EPS8: variants seen among roughly 807,000 people sequenced by gnomAD.
The protein encoded by EPS8 is EGFR pathway substrate 8, signaling adaptor, also known as epidermal growth factor receptor kinase substrate 8.
Under a neutral mutation model 103.8 loss-of-function variants are expected in EPS8, and 42 were observed. That is an observed-to-expected ratio of 0.40 (90% CI 0.32 to 0.52). The LOEUF is 0.52. Ranked by LOEUF, EPS8 falls within the 20% of genes least tolerant of loss-of-function variation. The pLI is 0.40. For synonymous variants in EPS8, 344 were observed against 344.6 expected, an observed-to-expected ratio of 1.00 and a Z score of 0.02; for missense variants, 969 against 1,005.1, an observed-to-expected ratio of 0.96 and a Z score of 0.49.
intron 12 of EPS8, chr12:15,654,499 T>C: frequency 1.7e-6 from 1 of 571,724 alleles, no homozygotes; most frequent in Non-Finnish European, 3.1e-6. Flanking sequence ...TAAATGAAAG[T>C]TAACAATTTA....
chr12:15,770,752 C>T (rs1020269358), intron 1 of EPS8, among the ~76,000 whole-genome samples: 1 of 152,134 alleles, frequency 6.6e-6, no homozygotes, highest in Non-Finnish European at 1.5e-5. Context: ...TGATTGTCAC[C>T]ATGATTAAGC....
chr12:15,763,484 A>G (rs1435658901), intron 1 of EPS8, among the ~76,000 whole-genome samples: 3 of 152,208 alleles, frequency 2.0e-5, no homozygotes, highest in Non-Finnish European at 4.4e-5. Flanking sequence ...CAACAAAATA[A>G]GAGGCAGAGG....
chr12:15,648,652 G>A (rs1220378213), intron 14 of EPS8, among the ~76,000 whole-genome samples: 1 of 152,142 alleles, frequency 6.6e-6, no homozygotes, highest in African/African-American at 2.4e-5. Context: ...AGAGGGGAGT[G>A]CTCTAACTGT....
intron 12 of EPS8, chr12:15,657,858 GAGAT>G: frequency 4.1e-6 from 2 of 486,042 alleles, no homozygotes; most frequent in South Asian, 4.5e-5. Context: ...AGCACTGTCA[GAGAT>G]ACCAGTTTCC....
rs960802787 is a variant in EPS8, at chr12:15,767,739, C to A, written c.-22+21422G>T. Among the ~76,000 whole-genome samples, 1 of 152,212 alleles carries A rather than the reference C, an allele frequency of 6.6e-6. No homozygotes were observed. The highest frequency in any genetic ancestry group is 1.5e-5 in the Non-Finnish European group (1 of 68,040). ...ATAAGGAAATTGAAATGGTTGGTGGCAACAGCTCTCCTTCCAGGAATACCT... is the reference window on the plus strand; with the variant it reads ...ATAAGGAAATTGAAATGGTTGGTGGAAACAGCTCTCCTTCCAGGAATACCT... On this transcript the variant is annotated intron_variant, in intron 1 of 20. Coordinates refer to ENST00000281172, the MANE Select transcript of EPS8 (RefSeq NM_004447.6). The surrounding 1 kb of genome is among the most constrained non-coding windows in gnomAD (Gnocchi z 5.5).
intron 20 of EPS8, among the ~76,000 whole-genome samples, chr12:15,622,680 G>C (rs1040390728): frequency 1.3e-5 from 2 of 151,778 alleles, no homozygotes; most frequent in African/African-American, 4.8e-5. Context: ...TATTTTCAGT[G>C]ATCTCTACCT....
In EPS8 at chr12:15,762,853, AG is replaced by A. The variant is rs1474528611; in HGVS notation, c.-22+26307del. 1.3e-5 allele frequency among the ~76,000 whole-genome samples: 2 copies of A among 152,180 alleles called. No homozygotes were observed. The highest frequency in any genetic ancestry group is 4.8e-5 in the African/African-American group (2 of 41,450). ...AAGACCTAGTATTTGATAGCACAACAGGGTGACTATAGTCAATAATAATTTA... is the reference window on the plus strand; with the variant it reads ...AAGACCTAGTATTTGATAGCACAACAGGTGACTATAGTCAATAATAATTTA... On this transcript the variant is annotated intron_variant, in intron 1 of 20. Transcript: ENST00000281172. This position sits in a 1 kb window ranked among gnomAD's most constrained non-coding sequence, Gnocchi z 4.8.
At chr12:15,621,483 G>A (rs1313392619) in intron 20 of EPS8, 53 bp from the exon 21 acceptor site, 1 of 980,520 alleles carries the variant, frequency 1.0e-6, no homozygotes, top group Non-Finnish European at 1.5e-6. Context: ...CAGGCTGCAG[G>A]TCATATCATG....
intron 1 of EPS8, among the ~76,000 whole-genome samples, chr12:15,729,611 T>G (rs905728780): frequency 2.6e-5 from 4 of 152,216 alleles, no homozygotes; most frequent in Non-Finnish European, 4.4e-5. Context: ...CCCACAAATT[T>G]TGATATATTC....
chr12:15,707,317 A>G (rs920254597), intron 1 of EPS8, among the ~76,000 whole-genome samples: 1 of 152,214 alleles, frequency 6.6e-6, no homozygotes, highest in Non-Finnish European at 1.5e-5. Flanking sequence ...CCTACCAAAA[A>G]TGTAAAAAGC....
At chr12:15,754,798 T>C (rs942231170) in intron 1 of EPS8, among the ~76,000 whole-genome samples, 11 of 152,212 alleles carry the variant, frequency 7.2e-5, no homozygotes, top group African/African-American at 2.7e-4. Context: ...GCTCTCTTTT[T>C]CCCCCAAGTG....
intron 18 of EPS8, among the ~76,000 whole-genome samples, chr12:15,630,093 C>T (rs1945017480): frequency 6.6e-6 from 1 of 152,010 alleles, no homozygotes; most frequent in Admixed American, 6.6e-5. Context: ...GAATGAACTA[C>T]AGTAAAAGTA....
intron 1 of EPS8, among the ~76,000 whole-genome samples, chr12:15,765,329 G>C (rs1947082221): frequency 6.6e-6 from 1 of 152,098 alleles, no homozygotes; most frequent in African/African-American, 2.4e-5. Context: ...ATACTACCAA[G>C]GGTCATGGGT....
intron 1 of EPS8, among the ~76,000 whole-genome samples, chr12:15,741,755 C>T (rs998463125): frequency 8.6e-5 from 13 of 151,984 alleles, no homozygotes; most frequent in African/African-American, 3.1e-4. Context: ...GGTACATGTG[C>T]ACAACGTGCA....
chr12:15,747,507 TGATA>T lies in EPS8; in HGVS notation c.-22+41650_-22+41653del, dbSNP rs1284602816. 6.6e-6 allele frequency among the ~76,000 whole-genome samples: 1 copy of T among 152,140 alleles called. No individual in the cohort carries two copies. The highest frequency in any genetic ancestry group is 1.5e-5 in the Non-Finnish European group (1 of 68,034). ...TATAAGTTAAATTATTTTTGTGAAC[TGATA>T]GAGAACCCCCAGTTACCATCTACAA... On this transcript the variant is annotated intron_variant, in intron 1 of 20. Transcript: ENST00000281172. This position sits in a 1 kb window ranked among gnomAD's most constrained non-coding sequence, Gnocchi z 4.4.
intron 12 of EPS8, among the ~76,000 whole-genome samples, chr12:15,656,310 C>T (rs1429989062): frequency 1.3e-5 from 2 of 152,096 alleles, no homozygotes; most frequent in Non-Finnish European, 2.9e-5. Context: ...TTGATCTCCA[C>T]CTAATTTTTT....
intron 6 of EPS8, among the ~76,000 whole-genome samples, chr12:15,666,831 G>A (rs1191704146): frequency 6.6e-6 from 1 of 152,032 alleles, no homozygotes. Context: ...TCTCTAATTG[G>A]GTAGAAATTA....
rs1030983685 is a variant in EPS8, at chr12:15,787,938, T to C, written c.-22+1223A>G. On this transcript the variant is annotated intron_variant, in intron 1 of 20. Coordinates refer to ENST00000281172, the MANE Select transcript of EPS8 (RefSeq NM_004447.6). The surrounding 1 kb of genome is among the most constrained non-coding windows in gnomAD (Gnocchi z 4.9). ...CTATACTAGGTGAGACAGGATGACA[T>C]TGACTTTAATTCCAATAGACTCACT... 5 of 152,172 alleles carry C rather than the reference T, an allele frequency of 3.3e-5. No homozygotes were observed. The highest frequency in any genetic ancestry group is 1.2e-4 in the African/African-American group (5 of 41,448). 9.4% of individuals were successfully genotyped at this position (152,172 alleles called of 1,614,324 possible). A position where few individuals can be genotyped will look rare whatever the true frequency, so the allele number is the denominator to read the frequency against.
At position 15,624,248 on chromosome 12, in the gene EPS8, T is replaced by C. The variant is rs1944907245; in HGVS notation, c.2204A>G (p.Gln735Arg). 1.9e-6 allele frequency: 3 copies of C among 1,613,566 alleles called. No individual in the cohort carries two copies. Among genetic ancestry groups the C allele is most frequent in the East Asian group, 2.2e-5 (1 of 44,898 alleles). Reference sequence around the variant, plus strand: ...TCACACAGGGTTGAATCCCTTTGACTGTAACCACGTCTTCACATCCTCTGG... The same window carrying C: ...TCACACAGGGTTGAATCCCTTTGACCGTAACCACGTCTTCACATCCTCTGG... ...STPEDVKTWLQSKGFNPVTVN... is the reference protein window; with the variant it reads ...STPEDVKTWLRSKGFNPVTVN... Residue 735 changes from glutamine (Q) to arginine (R), a missense_variant, in exon 19 of 21, where the codon CAG (glutamine) becomes CGG (arginine). Gln to Arg is a conservative substitution (Grantham distance 43). Transcript: ENST00000281172.
Sources: gnomAD v4.1 joint callset for allele counts (sites outside exome capture counted in the v4.1 genomes callset) on GRCh38, gnomAD v4.1.1 for gene constraint, Gnocchi (gnomAD v3.1) non-coding constraint, MANE v1.5 for transcripts, NCBI Gene and HGNC (gene_info 2026-07-23, HGNC 2026-07-21) for gene names.